Variants in SNX31 observed in about 807,000 individuals in gnomAD.
SNX31 encodes the protein sorting nexin-31.
SNX31 carries 58 observed loss-of-function variants against 65.4 expected under a neutral mutation model. The ratio of observed to expected loss-of-function variants is 0.89; its 90% CI spans 0.72 to 1.10. The LOEUF is 1.10. Ranked by LOEUF, SNX31 falls within the 50% of genes least tolerant of loss-of-function variation. SNX31 has a pLI of 0.00. For missense variants in SNX31, 523 were observed against 529.7 expected (o/e 0.99, Z 0.12); for synonymous variants, 181 against 190.1 (o/e 0.95, Z 0.39).
intron 12 of SNX31, among the ~76,000 whole-genome samples, chr8:100,579,723 GGAGTAA>G (rs1444855557): frequency 6.6e-6 from 1 of 152,154 alleles, no homozygotes; most frequent in Non-Finnish European, 1.5e-5. Context: ...AGTTGAGGAT[GGAGTAA>G]GAGGTGTAAG....
chr8:100,628,117 T>G (rs1382465895), intron 4 of SNX31, among the ~76,000 whole-genome samples: 3 of 152,102 alleles, frequency 2.0e-5, no homozygotes, highest in Non-Finnish European at 4.4e-5. Flanking sequence ...TGTGGAAAAA[T>G]AGGAACACTT....
At chr8:100,618,373 T>C in intron 4 of SNX31, 2 of 1,528,402 alleles carry the variant, frequency 1.3e-6, no homozygotes, top group Non-Finnish European at 8.8e-7. Context: ...CCCATATCCC[T>C]GATTTTTTCT....
At position 100,612,026 on chromosome 8, in the gene SNX31, T is replaced by G; in HGVS notation, c.585A>C (p.Glu195Asp). 6.2e-7 allele frequency: 1 copy of G among 1,614,118 alleles called. No homozygotes were observed. The change falls in exon 7 of 14, where the codon GAA (glutamate) becomes GAC (aspartate). Residue 195 changes from glutamate (E) to aspartate (D), a missense_variant. Glu to Asp is a conservative substitution (Grantham distance 45, BLOSUM62 2). Coordinates refer to ENST00000311812, the MANE Select transcript of SNX31 (RefSeq NM_152628.4). The surrounding 1 kb of genome is among the most constrained non-coding windows in gnomAD (Gnocchi z 4.3). ...ACTTTCGGAGTCCAACCTTACAGTT[T>G]TCCACCTCAGAACTTCCAAGACTAA... Reference protein sequence around the residue: ...PYVSLGSSEVENCKVGLRKWY... With the variant: ...PYVSLGSSEVDNCKVGLRKWY...
chr8:100,602,891 A>T (rs1430518981), intron 8 of SNX31, among the ~76,000 whole-genome samples: 1 of 152,228 alleles, frequency 6.6e-6, no homozygotes, highest in Non-Finnish European at 1.5e-5. Flanking sequence ...GCTTGACTGC[A>T]GGTAACTGAA....
upstream of SNX31, chr8:100,649,692 C>T: frequency 1.9e-6 from 1 of 531,808 alleles, no homozygotes; most frequent in East Asian, 3.6e-5. Context: ...CCGGGCCGCG[C>T]CGCCTCCCAG....
rs187603102 is a variant in SNX31, at chr8:100,576,145, C to T, written c.1227+874G>A. Among the ~76,000 whole-genome samples the T allele has an allele frequency of 1.2e-4, 19 of 152,290 alleles. No homozygotes were observed. In the East Asian group the frequency reaches 3.3e-3, roughly 26 times the overall value. On this transcript the variant is annotated intron_variant, in intron 13 of 13. Transcript: ENST00000311812. This position sits in a 1 kb window ranked among gnomAD's most constrained non-coding sequence, Gnocchi z 4.8. ...AGTGCTGTGATTATGAAGGAGAATG[C>T]TTTTATGCATTTCTGCTAGTTTATT...
chr8:100,583,731 T>A (rs1295445274), intron 12 of SNX31, among the ~76,000 whole-genome samples: 1 of 152,210 alleles, frequency 6.6e-6, no homozygotes, highest in Non-Finnish European at 1.5e-5. Flanking sequence ...GATAAACTTA[T>A]AATAAGATCA....
chr8:100,651,608 T>C (rs77191101), upstream of SNX31, among the ~76,000 whole-genome samples: 761 of 152,336 alleles, frequency 5.0e-3, 5 homozygotes, highest in African/African-American at 0.017. Flanking sequence ...AGTCATTCAG[T>C]CAGTGAACAT....
At chr8:100,595,928 AG>A (rs1815045182) in intron 10 of SNX31, among the ~76,000 whole-genome samples, 1 of 152,168 alleles carries the variant, frequency 6.6e-6, no homozygotes, top group African/African-American at 2.4e-5. Flanking sequence ...GGCCTACAAA[AG>A]TAGGGGAGAA....
chr8:100,650,123 G>A (rs919962006), upstream of SNX31, among the ~76,000 whole-genome samples: 2 of 152,166 alleles, frequency 1.3e-5, no homozygotes, highest in Non-Finnish European at 2.9e-5. Flanking sequence ...CTCATTTTTA[G>A]ACAGGTGCAT....
chr8:100,619,019 A>C (rs906569456), intron 4 of SNX31: 3 of 152,092 alleles, frequency 2.0e-5, no homozygotes, highest in African/African-American at 7.3e-5. Context: ...AGAGGCCGAG[A>C]GTTGTGGGGT....
intron 8 of SNX31, among the ~76,000 whole-genome samples, chr8:100,601,882 G>A (rs1394938243): frequency 8.1e-6 from 1 of 123,910 alleles, no homozygotes; most frequent in Non-Finnish European, 1.6e-5. Flanking sequence ...TGTTGTCTCA[G>A]CCTACCCTCC....
At position 100,618,183 on chromosome 8, in the gene SNX31, G is replaced by T. The variant is rs960873227; in HGVS notation, c.322-453C>A. 7.7e-6 allele frequency: 11 copies of T among 1,434,752 alleles called. No homozygotes were observed. In the African/African-American group the frequency reaches 1.6e-4, roughly 21 times the overall value. The allele number at this position is 1,434,752 out of a possible 1,614,324, so 88.9% of individuals were successfully genotyped here. On this transcript the variant is annotated intron_variant, in intron 4 of 13. Coordinates refer to ENST00000311812, the MANE Select transcript of SNX31 (RefSeq NM_152628.4). Reference sequence around the variant, plus strand: ...TCCCAAGAGACAAGTGCAGAGATTGGAAGGGTTGTTTTGTGGGGTATAGTG... The same window carrying T: ...TCCCAAGAGACAAGTGCAGAGATTGTAAGGGTTGTTTTGTGGGGTATAGTG...
intron 3 of SNX31, among the ~76,000 whole-genome samples, chr8:100,631,768 G>A (rs907923433): frequency 5.3e-5 from 8 of 152,148 alleles, no homozygotes; most frequent in African/African-American, 1.9e-4. Flanking sequence ...TGTCTTTTCT[G>A]AGGGGTAATT....
At chr8:100,638,547 G>T (rs1247533494) in intron 2 of SNX31, among the ~76,000 whole-genome samples, 1 of 152,132 alleles carries the variant, frequency 6.6e-6, no homozygotes, top group Non-Finnish European at 1.5e-5. Context: ...TTTGGTGGTT[G>T]GTTGTTTGAT....
intron 8 of SNX31, among the ~76,000 whole-genome samples, chr8:100,605,910 GTCATGGTA>G (rs1816111252): frequency 6.6e-6 from 1 of 152,062 alleles, no homozygotes; most frequent in African/African-American, 2.4e-5. Flanking sequence ...CTCATCCAAG[GTCATGGTA>G]TCAAACCAGA....
At chr8:100,631,083 C>T (rs1462095991) in intron 3 of SNX31, among the ~76,000 whole-genome samples, 5 of 152,042 alleles carry the variant, frequency 3.3e-5, no homozygotes, top group African/African-American at 7.3e-5. Context: ...CCACAGCACC[C>T]GGCCGAGAGC....
chr8:100,591,027 G>T (rs1814523036), intron 10 of SNX31, among the ~76,000 whole-genome samples: 1 of 152,152 alleles, frequency 6.6e-6, no homozygotes, highest in Admixed American at 6.5e-5. Flanking sequence ...TCAAGAAGTT[G>T]AGATTGGAAT....
chr8:100,663,519 C>T (rs896262836), upstream of SNX31: 2 of 152,116 alleles, frequency 1.3e-5, no homozygotes, highest in Non-Finnish European at 2.9e-5. Context: ...TGTCCCCCAG[C>T]TCTGAAGCAG....
Sources: gnomAD v4.1 joint callset for allele counts (sites outside exome capture counted in the v4.1 genomes callset) on GRCh38, gnomAD v4.1.1 for gene constraint, Gnocchi (gnomAD v3.1) non-coding constraint, MANE v1.5 for transcripts, NCBI Gene and HGNC (gene_info 2026-07-23, HGNC 2026-07-21) for gene names.